The following PALLD variants were observed in gnomAD, a reference collection of about 807,000 sequenced individuals.
PALLD encodes palladin.
A neutral mutation model predicts 123.5 loss-of-function variants in PALLD; 61 were observed. That is an observed-to-expected ratio of 0.49 (90% CI 0.40 to 0.61). PALLD has a LOEUF of 0.61. PALLD is among the 20% of genes least tolerant of loss of function. The pLI is 0.00. For synonymous variants in PALLD, 465 were observed against 496.4 expected (o/e 0.94, Z 0.84); for missense variants, 1,273 against 1,377.0 (o/e 0.92, Z 1.20).
chr4:168,704,250 T>G (rs1783998735), intron 8 of PALLD, among the ~76,000 whole-genome samples: 2 of 152,082 alleles, frequency 1.3e-5, no homozygotes, highest in Non-Finnish European at 2.9e-5. Flanking sequence ...GATTAAAGAC[T>G]TAAACATTAG....
intron 10 of PALLD, among the ~76,000 whole-genome samples, chr4:168,752,111 G>A (rs891899133): frequency 6.6e-6 from 1 of 152,204 alleles, no homozygotes. Flanking sequence ...GGGTGCTCAC[G>A]GCTGTAATCC....
chr4:168,704,281 T>A (rs991336334), intron 8 of PALLD, among the ~76,000 whole-genome samples: 13 of 152,156 alleles, frequency 8.5e-5, no homozygotes, highest in Non-Finnish European at 1.3e-4. Context: ...ATAAAAACCC[T>A]AGAAGAAAAC....
At chr4:168,703,097 C>T (rs1232835032) in intron 8 of PALLD, among the ~76,000 whole-genome samples, 3 of 134,582 alleles carry the variant, frequency 2.2e-5, no homozygotes, top group Non-Finnish European at 3.1e-5. Flanking sequence ...TGTGATATTC[C>T]CCTTCCTGTG....
chr4:168,813,001 C>T (rs116676871), intron 10 of PALLD, among the ~76,000 whole-genome samples: 2,437 of 152,190 alleles, frequency 0.016, 65 homozygotes, highest in African/African-American at 0.056. Flanking sequence ...GCTGAGGGAC[C>T]TCCCCAGAGG....
chr4:168,623,088 A>G (rs1774917342), intron 2 of PALLD, among the ~76,000 whole-genome samples: 2 of 152,322 alleles, frequency 1.3e-5, no homozygotes, highest in South Asian at 4.1e-4. Flanking sequence ...TATTGTATAC[A>G]TGAAAGCTAA....
At chr4:168,872,073 C>A (rs917429152) in intron 10 of PALLD, among the ~76,000 whole-genome samples, 7 of 152,198 alleles carry the variant, frequency 4.6e-5, no homozygotes, top group Non-Finnish European at 8.8e-5. Flanking sequence ...ACCTCTCATT[C>A]CTATTCTTCA....
intron 10 of PALLD, among the ~76,000 whole-genome samples, chr4:168,765,829 A>G (rs1319683002): frequency 6.6e-6 from 1 of 152,262 alleles, no homozygotes; most frequent in African/African-American, 2.4e-5. Context: ...TTGTGGGCCA[A>G]ATAAATGGCT....
chr4:168,902,789 CTTTT>C (rs1756821005), intron 14 of PALLD, among the ~76,000 whole-genome samples: 1 of 152,080 alleles, frequency 6.6e-6, no homozygotes, highest in African/African-American at 2.4e-5. Flanking sequence ...TACATTGTTT[CTTTT>C]GAGACAGGGC....
intron 10 of PALLD, among the ~76,000 whole-genome samples, chr4:168,742,738 C>G (rs750665812): frequency 6.6e-6 from 1 of 152,112 alleles, no homozygotes; most frequent in Non-Finnish European, 1.5e-5. Context: ...GTATTTGCAT[C>G]TAGTGGCAAT....
intron 10 of PALLD, among the ~76,000 whole-genome samples, chr4:168,752,567 A>G (rs1027292122): frequency 1.3e-5 from 2 of 152,314 alleles, no homozygotes; most frequent in South Asian, 4.1e-4. Context: ...GTACCTTTTT[A>G]AAAGTCTGTT....
intron 10 of PALLD, among the ~76,000 whole-genome samples, chr4:168,716,619 T>G (rs1393003721): frequency 6.6e-6 from 1 of 152,218 alleles, no homozygotes; most frequent in Non-Finnish European, 1.5e-5. Flanking sequence ...CTGCAAATCC[T>G]GTCTCCAGAG....
At chr4:168,576,198 T>TA (rs1255310955) in intron 2 of PALLD, among the ~76,000 whole-genome samples, 1 of 152,148 alleles carries the variant, frequency 6.6e-6, no homozygotes, top group Non-Finnish European at 1.5e-5. Flanking sequence ...CTGTGGTGCT[T>TA]ACAATTATTT....
At chr4:168,892,341 C>T (rs113684682) in intron 11 of PALLD, among the ~76,000 whole-genome samples, 1,850 of 152,090 alleles carry the variant, frequency 0.012, 51 homozygotes, top group African/African-American at 0.042. Context: ...CTTTCAGACA[C>T]CTTTTTCAGA....
intron 2 of PALLD, among the ~76,000 whole-genome samples, chr4:168,538,941 G>A (rs954652310): frequency 1.5e-4 from 23 of 152,266 alleles, no homozygotes; most frequent in Admixed American, 3.3e-4. Flanking sequence ...GTGTTCATGT[G>A]GTTCAGAATT....
chr4:168,557,875 CCT>C (rs1767482854), intron 2 of PALLD, among the ~76,000 whole-genome samples: 1 of 152,102 alleles, frequency 6.6e-6, no homozygotes, highest in South Asian at 2.1e-4. Flanking sequence ...CCTGCTCACC[CCT>C]GTCTGTGCAC....
chr4:168,521,595 A>G (rs909109100), intron 2 of PALLD, among the ~76,000 whole-genome samples: 1 of 152,146 alleles, frequency 6.6e-6, no homozygotes, highest in Non-Finnish European at 1.5e-5. Flanking sequence ...CCCGCACTCT[A>G]CCTTTTCAAA....
intron 2 of PALLD, among the ~76,000 whole-genome samples, chr4:168,517,423 A>G (rs1006695223): frequency 1.3e-5 from 2 of 152,182 alleles, no homozygotes; most frequent in East Asian, 1.9e-4. Flanking sequence ...TTTATTTACT[A>G]TATATAATTA....
At chr4:168,839,066 C>T (rs1745629595) in intron 10 of PALLD, among the ~76,000 whole-genome samples, 1 of 152,146 alleles carries the variant, frequency 6.6e-6, no homozygotes, top group African/African-American at 2.4e-5. Context: ...GATCCTCCCA[C>T]CTCAGTCTCC....
rs770087927 is a variant in PALLD at position 168,709,111 on chromosome 4, T to C, written c.1585T>C (p.Ser529Pro). 1 of 1,613,880 alleles carries C rather than the reference T, an allele frequency of 6.2e-7. No homozygotes were observed. The highest frequency in any genetic ancestry group is 1.1e-5 in the South Asian group (1 of 91,062). The change falls in exon 9 of 22, where the codon TCA (serine) becomes CCA (proline). Residue 529 changes from serine (S) to proline (P), a missense_variant. By Grantham distance (74) the Ser-to-Pro change is moderately conservative. Transcript: ENST00000505667. ...ATGTTCAGCAAGAAATGATTATGGA[T>C]CAGCAACCAGCACTGCCCAGCTGGT... ...FTCSARNDYGSATSTAQLVVT... is the reference protein window; with the variant it reads ...FTCSARNDYGPATSTAQLVVT...
Sources: allele counts gnomAD v4.1 joint callset (sites outside exome capture counted in the v4.1 genomes callset), GRCh38; gene constraint gnomAD v4.1.1; transcripts MANE v1.5; gene names NCBI Gene and HGNC (gene_info 2026-07-23, HGNC 2026-07-21).